The following RGS6 variants were observed in gnomAD, a reference collection of about 807,000 sequenced individuals.
RGS6 encodes the protein regulator of G-protein signaling 6.
A neutral mutation model predicts 78.5 loss-of-function variants in RGS6; 30 were observed. The observed-to-expected ratio is 0.38, with a 90% CI of 0.29 to 0.52. RGS6 has a LOEUF of 0.52. Ranked by LOEUF, RGS6 falls within the 20% of genes least tolerant of loss-of-function variation. The probability of loss-of-function intolerance (pLI) is 0.85; values close to 1 mark genes in which losing one functional copy is unlikely to be tolerated. For missense variants in RGS6, 495 were observed against 609.7 expected (o/e 0.81, Z 1.98); for synonymous variants, 206 against 206.0 (o/e 1.00, Z 0.00).
At chr14:72,542,507 A>G (rs61696507) in intron 17 of RGS6, among the ~76,000 whole-genome samples, 5,156 of 152,350 alleles carry the variant, frequency 0.034, 147 homozygotes, top group East Asian at 0.092. Flanking sequence ...AAACTAAATG[A>G]AGGGCCAGTT....
intron 3 of RGS6, among the ~76,000 whole-genome samples, chr14:72,388,245 T>A (rs1320587296): frequency 1.3e-5 from 2 of 151,308 alleles, no homozygotes; most frequent in African/African-American, 2.4e-5. Flanking sequence ...CACACACACA[T>A]ACACATATAT....
intron 3 of RGS6, 91 bp from the exon 4 acceptor site, chr14:72,454,437 G>A (rs1161464682): frequency 7.5e-7 from 1 of 1,326,686 alleles, no homozygotes; most frequent in Non-Finnish European, 1.1e-6. Context: ...TGGACTGTTT[G>A]GAATTAGGAT....
intron 2 of RGS6, among the ~76,000 whole-genome samples, chr14:72,151,216 A>G (rs2096681466): frequency 6.6e-6 from 1 of 152,214 alleles, no homozygotes; most frequent in Admixed American, 6.5e-5. Context: ...CCTGGGTCTT[A>G]GTCTCTGTTA....
chr14:72,013,674 T>C lies in RGS6; in HGVS notation c.84+48799T>C, dbSNP rs762154031. On this transcript the variant is annotated intron_variant, in intron 2 of 17. Coordinates refer to ENST00000553525, the MANE Select transcript of RGS6 (RefSeq NM_001204424.2). ...AGGCACTCAGTGAATATTTGTGAAA[T>C]ACATAAATATTCATGAGCAAATATA... Among the ~76,000 whole-genome samples the C allele has an allele frequency of 2.6e-5, 4 of 152,350 alleles. No individual in the cohort carries two copies. In the South Asian group the frequency reaches 8.3e-4, roughly 32 times the overall value.
At chr14:72,282,810 A>C (rs1011357058) in intron 2 of RGS6, among the ~76,000 whole-genome samples, 1 of 152,162 alleles carries the variant, frequency 6.6e-6, no homozygotes, top group Non-Finnish European at 1.5e-5. Context: ...CTTCTTAACA[A>C]ATTTTTTAAG....
chr14:72,526,272 TTTTTG>T (rs996789986), intron 15 of RGS6, among the ~76,000 whole-genome samples: 101 of 68,226 alleles, frequency 1.5e-3, no homozygotes, highest in African/African-American at 5.9e-3. Context: ...CCCAGCTAAT[TTTTTG>T]TTTTTTTTTA....
chr14:72,328,416 A>G (rs1478477087), intron 2 of RGS6, among the ~76,000 whole-genome samples: 1 of 152,214 alleles, frequency 6.6e-6, no homozygotes, highest in African/African-American at 2.4e-5. Flanking sequence ...TTTTTGGAAA[A>G]GTATCAAACA....
chr14:72,039,350 T>C lies in RGS6; in HGVS notation c.84+74475T>C, dbSNP rs542789571. 8.5e-4 allele frequency among the ~76,000 whole-genome samples: 130 copies of C among 152,246 alleles called. No homozygotes were observed. The Middle Eastern group carries it at 0.014, about 16-fold the overall frequency. ...AACAGAGCTCAGTTTTAGGGCTAGT[T>C]TATAGGAGGGATATAGATCCTGAAC... On this transcript the variant is annotated intron_variant, in intron 2 of 17. Coordinates refer to ENST00000553525, the MANE Select transcript of RGS6 (RefSeq NM_001204424.2).
chr14:72,485,637 G>A (rs2096473997), intron 12 of RGS6, among the ~76,000 whole-genome samples: 1 of 152,162 alleles, frequency 6.6e-6, no homozygotes, highest in African/African-American at 2.4e-5. Context: ...CTTTTCAACT[G>A]TATTGGTTTG....
intron 17 of RGS6, among the ~76,000 whole-genome samples, chr14:72,553,860 A>G (rs1056603331): frequency 2.0e-5 from 3 of 152,166 alleles, no homozygotes; most frequent in Non-Finnish European, 4.4e-5. Context: ...ACACTACACC[A>G]TCAGGGGAGA....
the RGS6 span, among the ~76,000 whole-genome samples, chr14:71,874,902 A>G: frequency 6.6e-6 from 1 of 152,192 alleles, no homozygotes; most frequent in East Asian, 1.9e-4. Context: ...TGAGATAATC[A>G]TGTGGTTTTT....
intron 2 of RGS6, among the ~76,000 whole-genome samples, chr14:72,301,358 C>T (rs1415134432): frequency 1.3e-5 from 2 of 151,976 alleles, no homozygotes; most frequent in Admixed American, 1.3e-4. Flanking sequence ...CTAGACTACT[C>T]CAGACTGACA....
At chr14:71,926,326 G>C in the RGS6 span, among the ~76,000 whole-genome samples, 4 of 152,232 alleles carry the variant, frequency 2.6e-5, no homozygotes, top group Non-Finnish European at 5.9e-5. Flanking sequence ...GCCCATGCCT[G>C]TAATCACAGC....
At chr14:72,059,454 G>A (rs150532505) in intron 2 of RGS6, among the ~76,000 whole-genome samples, 30 of 152,260 alleles carry the variant, frequency 2.0e-4, no homozygotes, top group African/African-American at 4.6e-4. Flanking sequence ...TTACTGGTGC[G>A]CTCTCATTTA....
At chr14:72,344,039 A>T (rs773145472) in intron 2 of RGS6, among the ~76,000 whole-genome samples, 29 of 152,196 alleles carry the variant, frequency 1.9e-4, no homozygotes, top group Non-Finnish European at 3.2e-4. Context: ...ATTGCAAAGC[A>T]AACAACAGAT....
intron 2 of RGS6, among the ~76,000 whole-genome samples, chr14:72,107,475 G>T (rs989113343): frequency 2.6e-5 from 4 of 152,014 alleles, no homozygotes; most frequent in Admixed American, 6.6e-5. Context: ...ATTTCTCTGA[G>T]AATGCACCCT....
Position 72,061,860 on chromosome 14 carries a change from A to C in RGS6, c.84+96985A>C, listed in dbSNP as rs184795981. Among the ~76,000 whole-genome samples the C allele has an allele frequency of 3.7e-3, 571 of 152,352 alleles. 1 individual carries two copies. Among genetic ancestry groups the C allele is most frequent in the African/African-American group, 0.013 (558 of 41,580 alleles). On this transcript the variant is annotated intron_variant, in intron 2 of 17. Coordinates refer to ENST00000553525, the MANE Select transcript of RGS6 (RefSeq NM_001204424.2). The stretch of plus-strand genomic sequence containing the variant: ...CTAATATTGGTGAAATTGCTAATTC[A>C]TTCATTCTTTATTTGGTGATTCACT...
intron 3 of RGS6, among the ~76,000 whole-genome samples, chr14:72,417,092 G>A (rs918793558): frequency 6.6e-6 from 1 of 152,142 alleles, no homozygotes; most frequent in Non-Finnish European, 1.5e-5. Flanking sequence ...ATTTATCAGC[G>A]CCACTCCCTA....
Position 72,268,640 on chromosome 14 carries a change from G to A in RGS6, c.85-83455G>A, listed in dbSNP as rs142313769. ...ATTCACCAGTTACTATAAGCTACTC[G>A]TGCCTTCTAATGGACTTTGCAGCAG... is the stretch of plus-strand genomic sequence containing the variant. On this transcript the variant is annotated intron_variant, in intron 2 of 17. Transcript: ENST00000553525. Among the ~76,000 whole-genome samples the A allele has an allele frequency of 7.2e-4, 109 of 152,272 alleles. 1 individual carries two copies. Among genetic ancestry groups the A allele is most frequent in the Admixed American group, 6.3e-3 (97 of 15,298 alleles).
Sources: gnomAD v4.1 joint callset for allele counts (sites outside exome capture counted in the v4.1 genomes callset) on GRCh38, gnomAD v4.1.1 for gene constraint, MANE v1.5 for transcripts, NCBI Gene and HGNC (gene_info 2026-07-23, HGNC 2026-07-21) for gene names.